The following NMNAT3 variants were observed in gnomAD, a reference collection of about 807,000 sequenced individuals.
NMNAT3 encodes nicotinamide nucleotide adenylyltransferase 3, also known as nicotinamide/nicotinic acid mononucleotide adenylyltransferase 3.
NMNAT3 carries 21 observed loss-of-function variants against 24.8 expected under a neutral mutation model. The ratio of observed to expected loss-of-function variants is 0.85; its 90% CI spans 0.60 to 1.22. The LOEUF is 1.22. NMNAT3 is among the 50% of genes most tolerant of loss of function. NMNAT3 has a pLI of 0.00. For synonymous variants in NMNAT3, 136 were observed against 155.2 expected, an observed-to-expected ratio of 0.88 and a Z score of 0.92; for missense variants, 387 against 436.6, an observed-to-expected ratio of 0.89 and a Z score of 1.01.
chr3:139,596,580 A>G (rs2054470797), intron 3 of NMNAT3, among the ~76,000 whole-genome samples: 1 of 152,084 alleles, frequency 6.6e-6, no homozygotes, highest in Non-Finnish European at 1.5e-5. Context: ...CACTCATTTA[A>G]TCACTTTCAA....
intron 5 of NMNAT3, among the ~76,000 whole-genome samples, chr3:139,576,811 C>G (rs1939376424): frequency 6.6e-6 from 1 of 152,072 alleles, no homozygotes; most frequent in Non-Finnish European, 1.5e-5. Flanking sequence ...AATCCCAGCA[C>G]TTTGGGAGGC....
intron 3 of NMNAT3, among the ~76,000 whole-genome samples, chr3:139,595,083 C>T (rs2054384288): frequency 6.6e-6 from 1 of 152,200 alleles, no homozygotes; most frequent in Non-Finnish European, 1.5e-5. Flanking sequence ...AGCCCAAAAT[C>T]TCCTTAAGCT....
intron 3 of NMNAT3, among the ~76,000 whole-genome samples, chr3:139,602,285 G>A (rs2054752226): frequency 6.6e-6 from 1 of 152,148 alleles, no homozygotes; most frequent in South Asian, 2.1e-4. Context: ...TGGAGCTGTG[G>A]ACTCTGCCCT....
chr3:139,618,373 G>T (rs538601535), intron 3 of NMNAT3, among the ~76,000 whole-genome samples: 1 of 152,140 alleles, frequency 6.6e-6, no homozygotes, highest in Admixed American at 6.5e-5. Flanking sequence ...ATATATTATA[G>T]TGTCTCTGTC....
chr3:139,645,056 G>T (rs1280897915), intron 1 of NMNAT3, among the ~76,000 whole-genome samples: 1 of 152,086 alleles, frequency 6.6e-6, no homozygotes, highest in Non-Finnish European at 1.5e-5. Flanking sequence ...ACTAAAATTA[G>T]CTGGGTGTGG....
In NMNAT3 at chr3:139,565,469, G is replaced by A. The variant is rs370545226; in HGVS notation, c.659-4077C>T. 33 of 152,106 alleles carry A rather than the reference G, an allele frequency of 2.2e-4. No homozygotes were observed. The East Asian group carries it at 5.0e-3, about 23-fold the overall frequency. The allele number at this position is 152,106 out of a possible 1,614,324, so 9.4% of individuals were successfully genotyped here. A position where few individuals can be genotyped will look rare whatever the true frequency, so the allele number is the denominator to read the frequency against. Reference sequence around the variant, plus strand: ...GTTGGTGTGCTGCACCCATTAACTCGTCATTTAGCATTAGGTATATCTCCT... The same window carrying A: ...GTTGGTGTGCTGCACCCATTAACTCATCATTTAGCATTAGGTATATCTCCT... On this transcript the variant is annotated intron_variant, in intron 6 of 6. Transcript: ENST00000643695.
intron 6 of NMNAT3, among the ~76,000 whole-genome samples, chr3:139,565,033 A>T (rs1936965739): frequency 6.6e-6 from 1 of 152,192 alleles, no homozygotes; most frequent in Non-Finnish European, 1.5e-5. Context: ...ACTTAAGATT[A>T]TATGCAGTAT....
At chr3:139,618,982 A>G (rs894207429) in intron 3 of NMNAT3, among the ~76,000 whole-genome samples, 6 of 152,080 alleles carry the variant, frequency 3.9e-5, no homozygotes, top group African/African-American at 1.4e-4. Flanking sequence ...ATTCTCCTCC[A>G]CTGCCGGGTT....
intron 6 of NMNAT3, chr3:139,569,244 G>C (rs987525353): frequency 6.7e-6 from 1 of 149,248 alleles, no homozygotes; most frequent in Non-Finnish European, 1.5e-5. Context: ...GTCTCTGCCC[G>C]TGAGATGGGT....
chr3:139,638,229 A>C (rs1006286753), intron 1 of NMNAT3, among the ~76,000 whole-genome samples, 167 bp from the exon 2 acceptor site: 6 of 152,306 alleles, frequency 3.9e-5, no homozygotes, highest in Middle Eastern at 3.4e-3. Context: ...TTCCAAACTT[A>C]AATTTTGTTT....
At chr3:139,584,164 G>A (rs1222644976) in intron 3 of NMNAT3, 1 of 153,544 alleles carries the variant, frequency 6.5e-6, no homozygotes, top group Non-Finnish European at 1.4e-5. Flanking sequence ...CTAACTTCTT[G>A]TGATGTATGC....
chr3:139,661,502 T>C (rs1439312024), intron 1 of NMNAT3, among the ~76,000 whole-genome samples: 1 of 152,284 alleles, frequency 6.6e-6, no homozygotes, highest in East Asian at 1.9e-4. Context: ...GACCTATCTC[T>C]ACAGGAAATT....
At chr3:139,629,387 A>C (rs2056195165) in intron 2 of NMNAT3, among the ~76,000 whole-genome samples, 1 of 152,258 alleles carries the variant, frequency 6.6e-6, no homozygotes, top group Non-Finnish European at 1.5e-5. Context: ...AAGCTTTATA[A>C]GATAGGCTTT....
intron 3 of NMNAT3, among the ~76,000 whole-genome samples, chr3:139,612,153 G>A (rs1319495192): frequency 7.8e-6 from 1 of 127,966 alleles, no homozygotes; most frequent in Non-Finnish European, 1.6e-5. Flanking sequence ...GGCAACAAGA[G>A]CAAAACTCCG....
At chr3:139,641,056 A>G (rs1171949534) in intron 1 of NMNAT3, among the ~76,000 whole-genome samples, 1 of 152,248 alleles carries the variant, frequency 6.6e-6, no homozygotes, top group Non-Finnish European at 1.5e-5. Context: ...TCTTAAGCTG[A>G]CAAACTGTCT....
At chr3:139,569,835 C>T (rs563982278) in intron 6 of NMNAT3, 2 of 152,164 alleles carry the variant, frequency 1.3e-5, no homozygotes, top group Admixed American at 1.3e-4. Context: ...AGTTGCTCTT[C>T]TCGAGAAGTA....
chr3:139,595,038 G>A (rs377292767), intron 3 of NMNAT3, among the ~76,000 whole-genome samples: 8 of 152,192 alleles, frequency 5.3e-5, no homozygotes, highest in African/African-American at 1.7e-4. Context: ...GTTTGCAGAC[G>A]ACATGATTGT....
intron 4 of NMNAT3, among the ~76,000 whole-genome samples, chr3:139,581,923 G>A (rs559310581): frequency 4.6e-5 from 7 of 152,022 alleles, no homozygotes; most frequent in Non-Finnish European, 8.8e-5. Flanking sequence ...GGCTGGGTGC[G>A]GTGGCTCATG....
chr3:139,639,581 C>A (rs1253945324), intron 1 of NMNAT3, among the ~76,000 whole-genome samples: 1 of 152,202 alleles, frequency 6.6e-6, no homozygotes, highest in Non-Finnish European at 1.5e-5. Flanking sequence ...TCCCATAACA[C>A]AATCCACTGC....
Sources: allele counts gnomAD v4.1 joint callset (sites outside exome capture counted in the v4.1 genomes callset), GRCh38; gene constraint gnomAD v4.1.1; transcripts MANE v1.5; gene names NCBI Gene and HGNC (gene_info 2026-07-23, HGNC 2026-07-21).